Variants in PDE1C observed in about 807,000 individuals in gnomAD.
The protein encoded by PDE1C is dual specificity calcium/calmodulin-dependent 3',5'-cyclic nucleotide phosphodiesterase 1C.
A neutral mutation model predicts 93.1 loss-of-function variants in PDE1C; 62 were observed. That is an observed-to-expected ratio of 0.67 (90% CI 0.54 to 0.82). The LOEUF (loss-of-function observed/expected upper bound fraction) is 0.82, where lower values mean the gene tolerates loss of function less well. Ranked by LOEUF, PDE1C falls within the 40% of genes least tolerant of loss-of-function variation. The probability of loss-of-function intolerance (pLI) is 0.00; values close to 1 mark genes in which losing one functional copy is unlikely to be tolerated. For synonymous variants in PDE1C, 325 were observed against 310.1 expected (o/e 1.05, Z -0.50); for missense variants, 742 against 884.6 (o/e 0.84, Z 2.04).
intron 1 of PDE1C, among the ~76,000 whole-genome samples, chr7:32,262,054 G>GA (rs1209981382): frequency 7.4e-6 from 1 of 134,690 alleles, no homozygotes; most frequent in South Asian, 2.5e-4. Context: ...AGTGGCTGGT[G>GA]AAAAAACAGC....
chr7:32,179,265 CTTTT>C (rs3079597), intron 2 of PDE1C, among the ~76,000 whole-genome samples: 3 of 131,344 alleles, frequency 2.3e-5, no homozygotes, highest in Admixed American at 7.9e-5. Flanking sequence ...CTGACTTAGT[CTTTT>C]TTTTTTTTTT....
chr7:32,237,762 ACTT>A lies in PDE1C; in HGVS notation c.86-28226_86-28224del, dbSNP rs1562607029. 8.3e-3 allele frequency among the ~76,000 whole-genome samples: 290 copies of A among 34,988 alleles called. 3 individuals are homozygous for A. The highest frequency in any genetic ancestry group is 0.027 in the African/African-American group (249 of 9,236). 23.0% of individuals were successfully genotyped at this position (34,988 alleles called of 152,430 possible). ...TCTGTGTATATATATATATATATAT[ACTT>A]TTTTTTTTTTTTTTTTTTTTTTTAG... On this transcript the variant is annotated intron_variant, in intron 1 of 18. Coordinates refer to the PDE1C transcript ENST00000396193.
chr7:31,621,776 TGGA>T, the PDE1C span, among the ~76,000 whole-genome samples: 1 of 147,748 alleles, frequency 6.8e-6, no homozygotes, highest in African/African-American at 2.5e-5. Context: ...TAAATGTAAA[TGGA>T]CTAAATGCTC....
At chr7:32,130,472 A>ACT (rs1799853865) in intron 3 of PDE1C, among the ~76,000 whole-genome samples, 1 of 151,504 alleles carries the variant, frequency 6.6e-6, no homozygotes, top group Non-Finnish European at 1.5e-5. Flanking sequence ...AAAGTACCTC[A>ACT]CTCTCCTAAG....
At chr7:31,628,886 C>G in the PDE1C span, among the ~76,000 whole-genome samples, 1 of 152,148 alleles carries the variant, frequency 6.6e-6, no homozygotes, top group Non-Finnish European at 1.5e-5. Flanking sequence ...TGCCAATCAA[C>G]CAGTGGACTC....
chr7:31,625,960 G>C, the PDE1C span, among the ~76,000 whole-genome samples: 60,618 of 151,920 alleles, frequency 0.4, 12,571 homozygotes, highest in Middle Eastern at 0.49. Context: ...AGATAATTTG[G>C]TGATAATAAA....
chr7:31,647,321 G>T, the PDE1C span, among the ~76,000 whole-genome samples: 1 of 152,118 alleles, frequency 6.6e-6, no homozygotes, highest in Non-Finnish European at 1.5e-5. Context: ...ACAGGACATA[G>T]CTCTTGGACC....
intron 2 of PDE1C, among the ~76,000 whole-genome samples, chr7:31,899,816 T>C (rs983515951): frequency 6.6e-6 from 1 of 152,196 alleles, no homozygotes; most frequent in East Asian, 1.9e-4. Flanking sequence ...TTCCCCATTA[T>C]AGTCTCATGG....
intron 1 of PDE1C, among the ~76,000 whole-genome samples, chr7:32,311,016 A>G (rs1783023374): frequency 6.6e-6 from 1 of 152,232 alleles, no homozygotes; most frequent in South Asian, 2.1e-4. Context: ...CAAGATTAAT[A>G]AAGAAGAAAA....
chr7:32,160,450 T>C (rs1801844753), intron 3 of PDE1C, among the ~76,000 whole-genome samples: 1 of 152,220 alleles, frequency 6.6e-6, no homozygotes. Flanking sequence ...TGACAATCTA[T>C]AAAGTACATT....
chr7:32,331,145 T>A (rs947248544), intron 1 of PDE1C, among the ~76,000 whole-genome samples: 2 of 152,142 alleles, frequency 1.3e-5, no homozygotes, highest in African/African-American at 4.8e-5. Context: ...AACACTGAAG[T>A]TAGGTGAGTG....
intron 7 of PDE1C, among the ~76,000 whole-genome samples, chr7:31,859,767 C>T (rs1207389637): frequency 6.6e-6 from 1 of 152,042 alleles, no homozygotes; most frequent in African/African-American, 2.4e-5. Context: ...CCAGAGGTAA[C>T]CACTATCTTC....
intron 1 of PDE1C, among the ~76,000 whole-genome samples, chr7:32,052,049 T>C (rs1224989720): frequency 6.6e-6 from 1 of 152,198 alleles, no homozygotes; most frequent in Non-Finnish European, 1.5e-5. Context: ...CTATCGTTAC[T>C]ATTATCCCCA....
At chr7:32,187,398 G>C (rs1480537970) in intron 2 of PDE1C, among the ~76,000 whole-genome samples, 2 of 152,104 alleles carry the variant, frequency 1.3e-5, no homozygotes, top group African/African-American at 2.4e-5. Flanking sequence ...CTATGTGTCT[G>C]AGGTGATGAG....
chr7:32,069,007 A>T (rs1473118870), intron 1 of PDE1C, among the ~76,000 whole-genome samples: 1 of 152,244 alleles, frequency 6.6e-6, no homozygotes, highest in Non-Finnish European at 1.5e-5. Context: ...AAAGCCTGCC[A>T]GCCAGAGACA....
At chr7:31,917,501 G>A (rs1238977005) in intron 2 of PDE1C, among the ~76,000 whole-genome samples, 1 of 152,036 alleles carries the variant, frequency 6.6e-6, no homozygotes, top group Non-Finnish European at 1.5e-5. Flanking sequence ...CTAGTCTTAA[G>A]GCTCTGGTTC....
chr7:31,812,578 A>G (rs1787689910), intron 15 of PDE1C, among the ~76,000 whole-genome samples: 1 of 152,152 alleles, frequency 6.6e-6, no homozygotes, highest in East Asian at 1.9e-4. Context: ...GATATTATGT[A>G]GAATTCAAAT....
the PDE1C span, among the ~76,000 whole-genome samples, chr7:31,687,660 C>T: frequency 6.6e-6 from 1 of 152,236 alleles, no homozygotes; most frequent in Non-Finnish European, 1.5e-5. Context: ...TACTTTAAGT[C>T]AGTCTCTCCT....
At chr7:31,942,598 C>T (rs1206203491) in intron 2 of PDE1C, among the ~76,000 whole-genome samples, 1 of 152,126 alleles carries the variant, frequency 6.6e-6, no homozygotes, top group Non-Finnish European at 1.5e-5. Flanking sequence ...GAATGAAAAA[C>T]ATGAGAAAAA....
Sources: gnomAD v4.1 joint callset for allele counts (sites outside exome capture counted in the v4.1 genomes callset) on GRCh38, gnomAD v4.1.1 for gene constraint, MANE v1.5 for transcripts, NCBI Gene and HGNC (gene_info 2026-07-23, HGNC 2026-07-21) for gene names.